NKAIN2: variants seen among roughly 807,000 people sequenced by gnomAD.
The protein encoded by NKAIN2 is sodium/potassium transporting ATPase interacting 2.
In NKAIN2, 14 loss-of-function variants were observed where a neutral mutation model predicts 32.6. That is an observed-to-expected ratio of 0.43 (90% CI 0.28 to 0.67). The LOEUF is 0.67. NKAIN2 is among the 30% of genes least tolerant of loss of function. The pLI, the probability that NKAIN2 is intolerant of heterozygous loss-of-function variation, is 0.17. For synonymous variants in NKAIN2, 80 were observed against 87.2 expected, an observed-to-expected ratio of 0.92 and a Z score of 0.46; for missense variants, 198 against 258.3, an observed-to-expected ratio of 0.77 and a Z score of 1.60.
rs541435256 is a variant in NKAIN2 at position 123,815,813 on chromosome 6, GTATA to G, written c.54+11562_54+11565del. ...TATATGTATACACACACACGTATGT[GTATA>G]TAGTGTGCAAGAATGTGTGTGTGTA... On this transcript the variant is annotated intron_variant, in intron 1 of 6. Transcript: ENST00000368417. 6.4e-3 allele frequency among the ~76,000 whole-genome samples: 970 copies of G among 152,150 alleles called. 6 individuals carry two copies. Among genetic ancestry groups the G allele is most frequent in the Non-Finnish European group, 0.011 (777 of 68,002 alleles).
At chr6:124,661,135 TC>T (rs1366080857) in intron 4 of NKAIN2, among the ~76,000 whole-genome samples, 1 of 152,136 alleles carries the variant, frequency 6.6e-6, no homozygotes, top group East Asian at 1.9e-4. Flanking sequence ...ACAGCAACGT[TC>T]CCCAAAGCAC....
intron 3 of NKAIN2, among the ~76,000 whole-genome samples, chr6:124,467,362 A>G (rs1177056221): frequency 1.3e-5 from 2 of 152,152 alleles, no homozygotes; most frequent in Non-Finnish European, 2.9e-5. Context: ...ATATAGGACT[A>G]CAAACATTAA....
chr6:124,493,115 G>A (rs918270284), intron 3 of NKAIN2, among the ~76,000 whole-genome samples: 1 of 151,892 alleles, frequency 6.6e-6, no homozygotes, highest in Non-Finnish European at 1.5e-5. Flanking sequence ...CACACAGTGA[G>A]CACTCTCATT....
intron 1 of NKAIN2, among the ~76,000 whole-genome samples, chr6:123,804,714 C>T (rs1165641490): frequency 6.6e-6 from 1 of 151,806 alleles, no homozygotes; most frequent in Admixed American, 6.6e-5. Flanking sequence ...AAAATGTTGT[C>T]TTTAAGTATA....
chr6:123,817,891 T>C (rs1443994310), intron 1 of NKAIN2, among the ~76,000 whole-genome samples: 2 of 152,146 alleles, frequency 1.3e-5, no homozygotes, highest in African/African-American at 4.8e-5. Flanking sequence ...GAGGCAATGT[T>C]GAATCTAGAT....
At chr6:123,855,196 A>G (rs1442117088) in intron 1 of NKAIN2, among the ~76,000 whole-genome samples, 1 of 152,222 alleles carries the variant, frequency 6.6e-6, no homozygotes, top group Non-Finnish European at 1.5e-5. Context: ...CGCATTTATG[A>G]ATTTTCCTAA....
chr6:124,569,055 G>C (rs2600454), intron 3 of NKAIN2, among the ~76,000 whole-genome samples: 2 of 152,088 alleles, frequency 1.3e-5, no homozygotes, highest in Non-Finnish European at 2.9e-5. Context: ...TGGCAGTCTA[G>C]AGTCTCCCAC....
intron 4 of NKAIN2, among the ~76,000 whole-genome samples, chr6:124,774,867 A>G (rs1382922180): frequency 6.6e-6 from 1 of 151,806 alleles, no homozygotes; most frequent in Non-Finnish European, 1.5e-5. Context: ...AAAAAAAAAA[A>G]AAAAAAAAAG....
intron 1 of NKAIN2, among the ~76,000 whole-genome samples, chr6:124,135,460 C>G (rs1192421203): frequency 7.3e-6 from 1 of 136,102 alleles, no homozygotes; most frequent in East Asian, 2.3e-4. Flanking sequence ...AAACCAAAAT[C>G]AAGCAGGAGT....
chr6:124,288,975 GT>G (rs5879725), intron 2 of NKAIN2, among the ~76,000 whole-genome samples: 40,162 of 151,782 alleles, frequency 0.26, 6,784 homozygotes, highest in African/African-American at 0.48. Flanking sequence ...TTCCTGTTTT[GT>G]TACTGAAAAA....
intron 3 of NKAIN2, among the ~76,000 whole-genome samples, chr6:124,485,711 T>C (rs1209067170): frequency 6.6e-6 from 1 of 152,106 alleles, no homozygotes; most frequent in Non-Finnish European, 1.5e-5. Flanking sequence ...TTCTGAGCCC[T>C]TCTAATAAAG....
chr6:123,979,410 C>T (rs1218808515), intron 1 of NKAIN2, among the ~76,000 whole-genome samples: 2 of 152,090 alleles, frequency 1.3e-5, no homozygotes, highest in Admixed American at 1.3e-4. Context: ...TTTATCTTCC[C>T]TATTTCAGGA....
chr6:123,904,531 G>A (rs1232016329), intron 1 of NKAIN2, among the ~76,000 whole-genome samples: 1 of 152,160 alleles, frequency 6.6e-6, no homozygotes, highest in Non-Finnish European at 1.5e-5. Flanking sequence ...GCAATGTTCA[G>A]CCTTGCTTTA....
chr6:124,379,194 GGGA>G (rs1800141059), intron 3 of NKAIN2, among the ~76,000 whole-genome samples: 4 of 3,762 alleles, frequency 1.1e-3, no homozygotes, highest in Non-Finnish European at 1.9e-3. Context: ...AGGGGAGGGA[GGGA>G]AAGGAGGAAG....
At chr6:124,451,200 T>A (rs918487686) in intron 3 of NKAIN2, among the ~76,000 whole-genome samples, 1 of 152,148 alleles carries the variant, frequency 6.6e-6, no homozygotes, top group Non-Finnish European at 1.5e-5. Flanking sequence ...GATTCATATT[T>A]ATTTTTCCAT....
intron 4 of NKAIN2, among the ~76,000 whole-genome samples, chr6:124,692,757 A>G (rs1472460556): frequency 6.6e-6 from 1 of 151,824 alleles, no homozygotes; most frequent in Non-Finnish European, 1.5e-5. Context: ...CGGAGGTTGC[A>G]GTGAGCCGAG....
At chr6:124,489,987 T>C (rs926988338) in intron 3 of NKAIN2, among the ~76,000 whole-genome samples, 1 of 151,844 alleles carries the variant, frequency 6.6e-6, no homozygotes, top group Non-Finnish European at 1.5e-5. Context: ...ACAATATCAA[T>C]AGCAAGTGCA....
chr6:124,602,435 ACTTTC>A (rs919087534), intron 3 of NKAIN2, among the ~76,000 whole-genome samples: 3 of 151,996 alleles, frequency 2.0e-5, no homozygotes, highest in Admixed American at 6.6e-5. Context: ...TTTGAAAATA[ACTTTC>A]CTTTATAATC....
At chr6:124,201,150 A>G (rs1328301345) in intron 1 of NKAIN2, among the ~76,000 whole-genome samples, 1 of 152,046 alleles carries the variant, frequency 6.6e-6, no homozygotes, top group Non-Finnish European at 1.5e-5. Context: ...TTACATACTA[A>G]TACATATTTG....
Sources: gnomAD v4.1 joint callset for allele counts (sites outside exome capture counted in the v4.1 genomes callset) on GRCh38, gnomAD v4.1.1 for gene constraint, MANE v1.5 for transcripts, NCBI Gene and HGNC (gene_info 2026-07-23, HGNC 2026-07-21) for gene names.